PDE1C: variants seen among roughly 807,000 people sequenced by gnomAD.
PDE1C encodes phosphodiesterase 1C, also known as dual specificity calcium/calmodulin-dependent 3',5'-cyclic nucleotide phosphodiesterase 1C.
A neutral mutation model predicts 93.1 loss-of-function variants in PDE1C; 62 were observed. The ratio of observed to expected loss-of-function variants is 0.67; its 90% CI spans 0.54 to 0.82. PDE1C has a LOEUF of 0.82. PDE1C is among the 40% of genes least tolerant of loss of function. The pLI is 0.00. For missense variants in PDE1C, 742 were observed against 884.6 expected (o/e 0.84, Z 2.04); for synonymous variants, 325 against 310.1 (o/e 1.05, Z -0.50).
intron 2 of PDE1C, among the ~76,000 whole-genome samples, chr7:32,181,562 C>T (rs201336678): frequency 0.13 from 19,198 of 151,888 alleles, 1,288 homozygotes; most frequent in Middle Eastern, 0.19. Flanking sequence ...GGGTACATAA[C>T]GAAATGAAGG....
intron 2 of PDE1C, among the ~76,000 whole-genome samples, chr7:31,966,182 A>T (rs1004093837): frequency 4.6e-5 from 7 of 152,212 alleles, no homozygotes; most frequent in African/African-American, 1.2e-4. Context: ...TAAAGAGTCA[A>T]GACCCATCAG....
At chr7:32,358,277 G>A (rs530982706) in intron 1 of PDE1C, among the ~76,000 whole-genome samples, 111 of 151,994 alleles carry the variant, frequency 7.3e-4, no homozygotes, top group African/African-American at 2.5e-3. Context: ...CTGCAACCCC[G>A]ACAGGCATGT....
At chr7:32,056,649 C>T (rs998750049) in intron 1 of PDE1C, among the ~76,000 whole-genome samples, 3 of 152,126 alleles carry the variant, frequency 2.0e-5, no homozygotes, top group South Asian at 2.1e-4. Context: ...GGGCATTTAG[C>T]ATAGTGCTGG....
At chr7:31,841,264 T>A (rs1023333264) in intron 9 of PDE1C, among the ~76,000 whole-genome samples, 2 of 151,480 alleles carry the variant, frequency 1.3e-5, no homozygotes, top group Admixed American at 1.3e-4. Context: ...CATATATGCA[T>A]ATGTGTATAT....
chr7:31,957,527 T>A (rs796458181), intron 2 of PDE1C, among the ~76,000 whole-genome samples: 11 of 152,320 alleles, frequency 7.2e-5, no homozygotes, highest in African/African-American at 2.6e-4. Context: ...AGGAAGTGAC[T>A]CAGCATTTGA....
intron 1 of PDE1C, among the ~76,000 whole-genome samples, chr7:32,053,828 CCCCTCTCTG>C (rs1341386534): frequency 6.6e-6 from 1 of 152,108 alleles, no homozygotes; most frequent in African/African-American, 2.4e-5. Context: ...TCTGTAGGAT[CCCCTCTCTG>C]AAAGAGCGCA....
At chr7:31,926,964 C>T (rs931673322) in intron 2 of PDE1C, among the ~76,000 whole-genome samples, 1 of 152,066 alleles carries the variant, frequency 6.6e-6, no homozygotes, top group East Asian at 1.9e-4. Flanking sequence ...AAGACAGAAC[C>T]GTTCACTCCC....
intron 3 of PDE1C, among the ~76,000 whole-genome samples, chr7:32,086,286 C>T (rs1420085220): frequency 6.6e-6 from 1 of 151,812 alleles, no homozygotes; most frequent in African/African-American, 2.4e-5. Context: ...ACCTAGGAAT[C>T]CAACTTACCA....
At position 31,806,861 on chromosome 7, in the gene PDE1C, CA is replaced by C. The variant is rs563780043; in HGVS notation, c.1891+2169del. 4.5e-3 allele frequency among the ~76,000 whole-genome samples: 681 copies of C among 151,776 alleles called. 6 individuals carry two copies. The highest frequency in any genetic ancestry group is 0.016 in the African/African-American group (652 of 41,448). ...ACTCATTACCTGACATAATAGGATC[CA>C]AAAAGAAATGTTCAAAAATGTATCC... On this transcript the variant is annotated intron_variant, in intron 16 of 17. Transcript: ENST00000396191.
intron 3 of PDE1C, among the ~76,000 whole-genome samples, chr7:32,106,418 A>G (rs11761469): frequency 0.69 from 105,251 of 151,910 alleles, 37,219 homozygotes; most frequent in Middle Eastern, 0.81. Context: ...CAAAAAATAC[A>G]TAATGAAATA....
At chr7:31,720,123 A>G in the PDE1C span, among the ~76,000 whole-genome samples, 5 of 134,794 alleles carry the variant, frequency 3.7e-5, no homozygotes, top group Admixed American at 8.4e-5. Context: ...AGATTGCGCC[A>G]CTGCAGTCCG....
chr7:32,288,602 T>C (rs1421841050), intron 1 of PDE1C, among the ~76,000 whole-genome samples: 1 of 152,224 alleles, frequency 6.6e-6, no homozygotes, highest in African/African-American at 2.4e-5. Flanking sequence ...TGGTTCCCTC[T>C]TTAAGAGATG....
chr7:31,938,725 A>G (rs1326205764), intron 2 of PDE1C, among the ~76,000 whole-genome samples: 1 of 152,132 alleles, frequency 6.6e-6, no homozygotes, highest in Admixed American at 6.6e-5. Context: ...CACAGCTCCT[A>G]GCACATAAAA....
chr7:32,205,018 G>A (rs1805322070), intron 2 of PDE1C, among the ~76,000 whole-genome samples: 1 of 152,208 alleles, frequency 6.6e-6, no homozygotes, highest in Non-Finnish European at 1.5e-5. Context: ...GGGAAGAAGA[G>A]AGGGGAGGAA....
At chr7:32,002,254 T>C (rs1240944262) in intron 2 of PDE1C, among the ~76,000 whole-genome samples, 4 of 152,144 alleles carry the variant, frequency 2.6e-5, no homozygotes, top group Non-Finnish European at 5.9e-5. Context: ...CACATGTTCA[T>C]GGATTACAAA....
At chr7:32,408,696 G>A (rs1426493435) in intron 1 of PDE1C, among the ~76,000 whole-genome samples, 1 of 152,138 alleles carries the variant, frequency 6.6e-6, no homozygotes, top group African/African-American at 2.4e-5. Flanking sequence ...GGCTGAGGCA[G>A]GAGAATCGCT....
chr7:32,259,026 T>C (rs1810009260), intron 1 of PDE1C, among the ~76,000 whole-genome samples: 1 of 152,134 alleles, frequency 6.6e-6, no homozygotes, highest in Non-Finnish European at 1.5e-5. Context: ...ACTTCATGGT[T>C]TGGACATTGG....
At chr7:31,968,192 C>T (rs1173854456) in intron 2 of PDE1C, among the ~76,000 whole-genome samples, 14 of 152,252 alleles carry the variant, frequency 9.2e-5, no homozygotes, top group Admixed American at 2.6e-4. Flanking sequence ...GATGACATGA[C>T]TGTATATCTA....
intron 1 of PDE1C, among the ~76,000 whole-genome samples, chr7:32,229,303 C>T (rs1395776142): frequency 6.6e-6 from 1 of 152,202 alleles, no homozygotes; most frequent in Admixed American, 6.5e-5. Context: ...CTGTTGTGTA[C>T]AGCCAGGCAG....
Sources: allele counts gnomAD v4.1 joint callset (sites outside exome capture counted in the v4.1 genomes callset), GRCh38; gene constraint gnomAD v4.1.1; transcripts MANE v1.5; gene names NCBI Gene and HGNC (gene_info 2026-07-23, HGNC 2026-07-21).